RAB7A: variants seen among roughly 807,000 people sequenced by gnomAD.
RAB7A encodes RAB7A, member RAS oncogene family.
RAB7A carries 2 observed loss-of-function variants against 24.5 expected under a neutral mutation model. That is an observed-to-expected ratio of 0.08 (90% CI 0.03 to 0.26). RAB7A has a LOEUF of 0.26. RAB7A is among the 10% of genes least tolerant of loss of function. The probability of loss-of-function intolerance (pLI) is 1.00; values close to 1 mark genes in which losing one functional copy is unlikely to be tolerated. For synonymous variants in RAB7A, 100 were observed against 95.9 expected (o/e 1.04, Z -0.25); for missense variants, 118 against 255.7 (o/e 0.46, Z 3.67).
At chr3:128,773,568 G>A (rs981993176) in intron 1 of RAB7A, among the ~76,000 whole-genome samples, 1 of 152,196 alleles carries the variant, frequency 6.6e-6, no homozygotes, top group African/African-American at 2.4e-5. Flanking sequence ...CCTCTGCCCG[G>A]CCACCACCCC....
chr3:128,813,116 T>A (rs1933960702), intron 5 of RAB7A, among the ~76,000 whole-genome samples: 1 of 152,218 alleles, frequency 6.6e-6, no homozygotes, highest in Admixed American at 6.5e-5. Flanking sequence ...CCTGGAGTTG[T>A]CACAAAATCT....
At chr3:128,764,957 TGGC>T in intron 1 of RAB7A, 1 of 1,596,398 alleles carries the variant, frequency 6.3e-7, no homozygotes. Flanking sequence ...TGGCCGTTGA[TGGC>T]GGCCTCTGAG....
chr3:128,744,586 C>T (rs2070590419), intron 1 of RAB7A, among the ~76,000 whole-genome samples: 1 of 152,218 alleles, frequency 6.6e-6, no homozygotes, highest in Admixed American at 6.5e-5. Context: ...AAGTGATCTG[C>T]TAAGCTGCTT....
intron 1 of RAB7A, among the ~76,000 whole-genome samples, chr3:128,776,977 CACACACACA>C: frequency 6.6e-6 from 1 of 151,916 alleles, no homozygotes; most frequent in Non-Finnish European, 1.5e-5. Context: ...CACACACACA[CACACACACA>C]CCCCTATTAG....
chr3:128,767,727 A>G (rs778045133), intron 1 of RAB7A, among the ~76,000 whole-genome samples: 1 of 152,186 alleles, frequency 6.6e-6, no homozygotes, highest in Non-Finnish European at 1.5e-5. Flanking sequence ...GCAGCAGAGA[A>G]TTAAGAAAAG....
At chr3:128,769,832 A>G (rs1192742631) in intron 1 of RAB7A, among the ~76,000 whole-genome samples, 3 of 152,180 alleles carry the variant, frequency 2.0e-5, no homozygotes, top group Non-Finnish European at 4.4e-5. Flanking sequence ...GGGAACAGTG[A>G]AACAGTAATT....
intron 1 of RAB7A, among the ~76,000 whole-genome samples, chr3:128,757,104 CAA>C (rs1017505868): frequency 2.0e-5 from 3 of 152,190 alleles, no homozygotes; most frequent in African/African-American, 7.2e-5. Flanking sequence ...CTCCACCTCC[CAA>C]AGTGCTGGGA....
chr3:128,787,106 T>G (rs559802050), intron 1 of RAB7A, among the ~76,000 whole-genome samples: 1 of 152,192 alleles, frequency 6.6e-6, no homozygotes, highest in Non-Finnish European at 1.5e-5. Context: ...TTTCGTACCT[T>G]CCTGAGTTTT....
intron 1 of RAB7A, among the ~76,000 whole-genome samples, chr3:128,791,394 G>C (rs1391223818): frequency 1.3e-5 from 2 of 152,128 alleles, no homozygotes; most frequent in Admixed American, 1.3e-4. Context: ...ACCTTCCTTG[G>C]CCTCCCAAAG....
chr3:128,813,285 C>T (rs1429289453), intron 5 of RAB7A, 42 bp from the exon 6 acceptor site: 3 of 1,568,020 alleles, frequency 1.9e-6, no homozygotes, highest in Non-Finnish European at 1.8e-6. Context: ...TGAAATGTTT[C>T]TATTCCCTGA....
At chr3:128,812,287 G>A (rs1173814191) in intron 5 of RAB7A, among the ~76,000 whole-genome samples, 1 of 152,152 alleles carries the variant, frequency 6.6e-6, no homozygotes, top group Non-Finnish European at 1.5e-5. Context: ...GCTAATTTCT[G>A]TATTTTTAGT....
intron 1 of RAB7A, among the ~76,000 whole-genome samples, chr3:128,727,323 C>T (rs2070390647): frequency 6.6e-6 from 1 of 152,192 alleles, no homozygotes; most frequent in Non-Finnish European, 1.5e-5. Flanking sequence ...GAGATGCAAG[C>T]CCAGGCAGTC....
At position 128,795,283 on chromosome 3, in the gene RAB7A, A is replaced by G. The variant is rs1933541897; in HGVS notation, c.-8-77A>G. ...GGGCCCTGCACTGTTGGGGCTGCTC[A>G]GACATTTGTGCAAGGGAGGTGTTTT... is the stretch of plus-strand genomic sequence containing the variant. On this transcript the variant is annotated intron_variant, in intron 1 of 5. Coordinates refer to ENST00000265062, the MANE Select transcript of RAB7A (RefSeq NM_004637.6). The G allele has an allele frequency of 1.6e-6, 2 of 1,244,098 alleles. 1 individual carries two copies. The highest frequency in any genetic ancestry group is 2.4e-5 in the South Asian group (2 of 83,530). 77.1% of individuals were successfully genotyped at this position (1,244,098 alleles called of 1,614,324 possible).
chr3:128,783,855 A>G lies in RAB7A; in HGVS notation c.-8-11505A>G, dbSNP rs149069948. 2.0e-3 allele frequency among the ~76,000 whole-genome samples: 301 copies of G among 152,278 alleles called. 1 individual carries two copies. The highest frequency in any genetic ancestry group is 6.8e-3 in the African/African-American group (284 of 41,550). On this transcript the variant is annotated intron_variant, in intron 1 of 5. Coordinates refer to ENST00000265062, the MANE Select transcript of RAB7A (RefSeq NM_004637.6). ...ACCAGTTATTTTTAACATGCTGAAC[A>G]CTTCTTTTTAGGCATTGCACGTTCA...
intron 1 of RAB7A, among the ~76,000 whole-genome samples, chr3:128,737,649 CTCTTT>C (rs2070503381): frequency 6.7e-6 from 1 of 148,956 alleles, no homozygotes; most frequent in Non-Finnish European, 1.5e-5. Flanking sequence ...CTTTCTGTCT[CTCTTT>C]TTTTTTTTTT....
At chr3:128,773,796 C>T (rs1472288135) in intron 1 of RAB7A, among the ~76,000 whole-genome samples, 1 of 152,134 alleles carries the variant, frequency 6.6e-6, no homozygotes, top group Non-Finnish European at 1.5e-5. Flanking sequence ...ACCATGTGCT[C>T]TCTGAAACAT....
At chr3:128,738,958 A>G (rs1295268165) in intron 1 of RAB7A, among the ~76,000 whole-genome samples, 1 of 152,210 alleles carries the variant, frequency 6.6e-6, no homozygotes, top group East Asian at 1.9e-4. Flanking sequence ...TTTAGTCTCC[A>G]TTTCTGAAAA....
rs568677116 is a variant in RAB7A at position 128,730,318 on chromosome 3, C to G, written c.-9+3959C>G. 3.3e-5 allele frequency among the ~76,000 whole-genome samples: 5 copies of G among 152,108 alleles called. No individual in the cohort carries two copies. In the South Asian group the frequency reaches 1.0e-3, roughly 32 times the overall value. On this transcript the variant is annotated intron_variant, in intron 1 of 5. Transcript: ENST00000265062. ...CATCTCAGCTCACTGCAAGCTCCAC[C>G]TTCCAGATTCATGCCATTCTCCTGC...
rs372563051 is a variant in RAB7A, at chr3:128,732,038, C to CT, written c.-9+5691dup. On this transcript the variant is annotated intron_variant, in intron 1 of 5. Coordinates refer to ENST00000265062, the MANE Select transcript of RAB7A (RefSeq NM_004637.6). ...AAAAAGTGTCTCTTTCTTCCACTAC[C>CT]TTTTTTTTTTTTCTCTCTCTGAGAC... Among the ~76,000 whole-genome samples the CT allele has an allele frequency of 3.6e-3, 516 of 142,330 alleles. 8 individuals are homozygous for CT. Among genetic ancestry groups the CT allele is most frequent in the South Asian group, 0.015 (65 of 4,396 alleles). 93.4% of individuals were successfully genotyped at this position (142,330 alleles called of 152,430 possible). A position where few individuals can be genotyped will look rare whatever the true frequency, so the allele number is the denominator to read the frequency against.
Sources: allele counts gnomAD v4.1 joint callset (sites outside exome capture counted in the v4.1 genomes callset), GRCh38; gene constraint gnomAD v4.1.1; transcripts MANE v1.5; gene names NCBI Gene and HGNC (gene_info 2026-07-23, HGNC 2026-07-21).